FAT3: variants seen among roughly 807,000 people sequenced by gnomAD.
The protein encoded by FAT3 is FAT atypical cadherin 3, also known as protocadherin Fat 3.
Under a neutral mutation model 310.2 loss-of-function variants are expected in FAT3, and 95 were observed. That is an observed-to-expected ratio of 0.31 (90% CI 0.26 to 0.36). The LOEUF (loss-of-function observed/expected upper bound fraction) is 0.36, where lower values mean the gene tolerates loss of function less well. Ranked by LOEUF, FAT3 falls within the 10% of genes least tolerant of loss-of-function variation. The pLI, the probability that FAT3 is intolerant of heterozygous loss-of-function variation, is 1.00. For synonymous variants in FAT3, 2,314 were observed against 2,192.9 expected (o/e 1.06, Z -1.54); for missense variants, 5,408 against 5,715.6 (o/e 0.95, Z 1.74).
chr11:92,454,853 G>A (rs1951456539), intron 2 of FAT3, among the ~76,000 whole-genome samples: 1 of 151,486 alleles, frequency 6.6e-6, no homozygotes, highest in Non-Finnish European at 1.5e-5. Context: ...TTTTTTCCAC[G>A]TGCCAAGCCC....
At chr11:92,326,956 C>T (rs1947784324) in intron 1 of FAT3, among the ~76,000 whole-genome samples, 1 of 152,098 alleles carries the variant, frequency 6.6e-6, no homozygotes, top group Non-Finnish European at 1.5e-5. Flanking sequence ...CTTTTTTATC[C>T]TACTATTGCA....
intron 1 of FAT3, among the ~76,000 whole-genome samples, chr11:92,243,686 G>A (rs1218542570): frequency 4.6e-5 from 7 of 151,958 alleles, no homozygotes; most frequent in Non-Finnish European, 8.8e-5. Flanking sequence ...AGTTCTCCCT[G>A]GATCCTTGTC....
At chr11:92,873,134 G>A (rs912753434) in intron 22 of FAT3, among the ~76,000 whole-genome samples, 1 of 152,150 alleles carries the variant, frequency 6.6e-6, no homozygotes, top group African/African-American at 2.4e-5. Flanking sequence ...GCTGCATTGT[G>A]GTTTATGAAT....
At chr11:92,670,524 C>T (rs530977016) in intron 3 of FAT3, among the ~76,000 whole-genome samples, 3 of 152,270 alleles carry the variant, frequency 2.0e-5, no homozygotes, top group South Asian at 4.2e-4. Context: ...GTTAATGTGT[C>T]GAACTGCCTT....
At chr11:92,839,568 A>G (rs1728032240) in intron 17 of FAT3, among the ~76,000 whole-genome samples, 1 of 152,182 alleles carries the variant, frequency 6.6e-6, no homozygotes, top group South Asian at 2.1e-4. Context: ...ATTTCCACAC[A>G]TGGTTTTCAT....
At chr11:92,505,672 G>T (rs1435010957) in intron 2 of FAT3, among the ~76,000 whole-genome samples, 1 of 151,992 alleles carries the variant, frequency 6.6e-6, no homozygotes, top group African/African-American at 2.4e-5. Flanking sequence ...GACTAACTAG[G>T]TGTTTGTTTG....
intron 3 of FAT3, among the ~76,000 whole-genome samples, chr11:92,599,525 T>TTGTCTGTGTCTGTGTG: frequency 6.6e-6 from 1 of 152,102 alleles, no homozygotes; most frequent in Non-Finnish European, 1.5e-5. Flanking sequence ...AGCCAAGCCA[T>TTGTCTGTGTCTGTGTG]ATCAGAAATT....
At chr11:92,753,798 G>GTATATATATATATATATATA (rs1555140308) in intron 4 of FAT3, among the ~76,000 whole-genome samples, 3 of 119,180 alleles carry the variant, frequency 2.5e-5, no homozygotes, top group East Asian at 2.3e-4. Context: ...GTGTGTGTGT[G>GTATATATATATATATATATA]TATATATATA....
rs547607662 is a variant in FAT3 at position 92,869,488 on chromosome 11, G to A, written c.12127+2279G>A. 2.0e-4 allele frequency among the ~76,000 whole-genome samples: 31 copies of A among 152,296 alleles called. 1 individual carries two copies. In the South Asian group the frequency reaches 6.2e-3, roughly 31 times the overall value. On this transcript the variant is annotated intron_variant, in intron 22 of 27. Coordinates refer to ENST00000525166, the MANE Select transcript of FAT3 (RefSeq NM_001367949.2). Reference sequence around the variant, plus strand: ...GATTCCTCTTCTGATGTGTGAGGGGGTATCTACCTCTTCCTGGCTATAGGG... The same window carrying A: ...GATTCCTCTTCTGATGTGTGAGGGGATATCTACCTCTTCCTGGCTATAGGG...
At chr11:92,720,920 T>C (rs1256166499) in intron 4 of FAT3, among the ~76,000 whole-genome samples, 1 of 152,240 alleles carries the variant, frequency 6.6e-6, no homozygotes, top group Non-Finnish European at 1.5e-5. Flanking sequence ...GGATTCCAAA[T>C]GTTATAGCAT....
chr11:92,412,630 A>G (rs1224458147), intron 2 of FAT3, among the ~76,000 whole-genome samples: 1 of 141,328 alleles, frequency 7.1e-6, no homozygotes, highest in African/African-American at 2.5e-5. Context: ...AGAATTAGCA[A>G]AATTCAAAAT....
rs772352315 is a variant in FAT3, at chr11:92,840,559, C to T, written c.10369-3C>T. 1.2e-4 allele frequency: 188 copies of T among 1,577,838 alleles called. No individual in the cohort carries two copies. In the Middle Eastern group the frequency reaches 1.9e-3, roughly 16 times the overall value. ...CATTTTTACTATATACTCTTTTATG[C>T]AGGAAAATAAGCCAGTGGGCACCAG... On this transcript the variant is annotated splice_polypyrimidine_tract_variant and splice_region_variant and intron_variant, in intron 17 of 27. Coordinates refer to ENST00000525166, the MANE Select transcript of FAT3 (RefSeq NM_001367949.2).
intron 1 of FAT3, among the ~76,000 whole-genome samples, chr11:92,257,982 T>C (rs1211501525): frequency 6.6e-6 from 1 of 152,134 alleles, no homozygotes; most frequent in African/African-American, 2.4e-5. Context: ...ACTTTATTGG[T>C]ACCAAGAACA....
In FAT3 at chr11:92,798,316, T is replaced by C. The variant is rs774402045; in HGVS notation, c.5303T>C (p.Val1768Ala). 1 of 1,613,762 alleles carries C rather than the reference T, an allele frequency of 6.2e-7. No individual in the cohort carries two copies. The highest frequency in any genetic ancestry group is 1.7e-5 in the Admixed American group (1 of 60,008). The change falls in exon 10 of 28, where the codon GTT (valine) becomes GCT (alanine). Residue 1768 changes from valine (V) to alanine (A), a missense_variant. By Grantham distance (64) the Val-to-Ala change is moderately conservative. Coordinates refer to ENST00000525166, the MANE Select transcript of FAT3 (RefSeq NM_001367949.2). ...GTTGATGAAAATGATAATGCCCCAG[T>C]TTTTCTCTTTTCTCAATACTCAGGC... ...QIVDENDNAP[V>A]FLFSQYSGSL... is the part of the protein sequence containing the mutation.
intron 1 of FAT3, among the ~76,000 whole-genome samples, chr11:92,255,333 T>A (rs892552661): frequency 2.8e-5 from 4 of 140,726 alleles, no homozygotes; most frequent in Non-Finnish European, 6.3e-5. Context: ...TATTTTAGGG[T>A]TTTTTTTTAA....
At chr11:92,795,799 T>C (rs12796829) in intron 9 of FAT3, among the ~76,000 whole-genome samples, 34,392 of 151,994 alleles carry the variant, frequency 0.23, 5,060 homozygotes, top group Non-Finnish European at 0.32. Context: ...TCCCAGCTAC[T>C]CTGGAGGCTG....
intron 3 of FAT3, among the ~76,000 whole-genome samples, chr11:92,628,116 G>C (rs1941404368): frequency 6.6e-6 from 1 of 152,200 alleles, no homozygotes; most frequent in African/African-American, 2.4e-5. Context: ...CATGATGTCT[G>C]ACCATAATGG....
At chr11:92,240,646 G>A (rs1002639985) in intron 1 of FAT3, among the ~76,000 whole-genome samples, 2 of 151,040 alleles carry the variant, frequency 1.3e-5, no homozygotes, top group Non-Finnish European at 2.9e-5. Context: ...GTAGACAACA[G>A]CCTATACAGC....
chr11:92,490,222 G>C (rs1005528524), intron 2 of FAT3, among the ~76,000 whole-genome samples: 2 of 152,188 alleles, frequency 1.3e-5, no homozygotes, highest in South Asian at 4.1e-4. Context: ...ATAGCCATCG[G>C]CATAATCAGT....
Sources: allele counts gnomAD v4.1 joint callset (sites outside exome capture counted in the v4.1 genomes callset), GRCh38; gene constraint gnomAD v4.1.1; transcripts MANE v1.5; gene names NCBI Gene and HGNC (gene_info 2026-07-23, HGNC 2026-07-21).